KIAA0825: variants seen among roughly 807,000 people sequenced by gnomAD.
KIAA0825 encodes the protein KIAA0825, also known as uncharacterized protein KIAA0825.
A neutral mutation model predicts 147.6 loss-of-function variants in KIAA0825; 119 were observed. That is an observed-to-expected ratio of 0.81 (90% CI 0.69 to 0.94). KIAA0825 has a LOEUF of 0.94. KIAA0825 is among the 40% of genes least tolerant of loss of function. The pLI is 0.00. For missense variants in KIAA0825, 1,381 were observed against 1,472.7 expected, an observed-to-expected ratio of 0.94 and a Z score of 1.02; for synonymous variants, 470 against 518.1, an observed-to-expected ratio of 0.91 and a Z score of 1.26.
chr5:94,345,482 A>AC (rs1246972573), intron 20 of KIAA0825, among the ~76,000 whole-genome samples: 2 of 152,116 alleles, frequency 1.3e-5, no homozygotes, highest in Non-Finnish European at 2.9e-5. Context: ...CTTAGACTTG[A>AC]ATCTCAACTT....
chr5:94,517,177 CAG>C (rs1349337517), intron 5 of KIAA0825, among the ~76,000 whole-genome samples: 2 of 152,166 alleles, frequency 1.3e-5, no homozygotes, highest in African/African-American at 4.8e-5. Flanking sequence ...GCTTTTGACA[CAG>C]AGTTTAGTGG....
chr5:94,193,158 C>G (rs192778113), intron 20 of KIAA0825, among the ~76,000 whole-genome samples: 1 of 152,282 alleles, frequency 6.6e-6, no homozygotes, highest in Admixed American at 6.5e-5. Flanking sequence ...GTCCCTTCAT[C>G]CTGTTCCTGA....
Sources: allele counts gnomAD v4.1 joint callset (sites outside exome capture counted in the v4.1 genomes callset), GRCh38; gene constraint gnomAD v4.1.1; transcripts MANE v1.5; gene names NCBI Gene and HGNC (gene_info 2026-07-23, HGNC 2026-07-21).